The following CACNA1I variants were observed in gnomAD, a reference collection of about 807,000 sequenced individuals.
The protein encoded by CACNA1I is calcium voltage-gated channel subunit alpha1 I.
Under a neutral mutation model 201.6 loss-of-function variants are expected in CACNA1I, and 74 were observed. The observed-to-expected ratio is 0.37, with a 90% CI of 0.30 to 0.45. The LOEUF (loss-of-function observed/expected upper bound fraction) is 0.45, where lower values mean the gene tolerates loss of function less well. CACNA1I is among the 20% of genes least tolerant of loss of function. CACNA1I has a pLI of 1.00. For missense variants in CACNA1I, 2,346 were observed against 3,138.1 expected (o/e 0.75, Z 6.03); for synonymous variants, 1,431 against 1,345.2 (o/e 1.06, Z -1.40).
chr22:39,642,835 C>T lies in CACNA1I; in HGVS notation c.1095C>T (p.Tyr365=), dbSNP rs57495596. The part of the protein sequence containing the change: ...TLEGWVEIMY[Y]VMDAHSFYNF... Reference sequence around the variant, plus strand: ...AAGGCTGGGTGGAGATCATGTACTACGTGATGGATGCTCACTCCTTCTACA... The same window carrying T: ...AAGGCTGGGTGGAGATCATGTACTATGTGATGGATGCTCACTCCTTCTACA... The change falls in exon 7 of 37, where the codon TAC becomes TAT. Residue 365 remains tyrosine, a synonymous_variant. Transcript: ENST00000402142. 125 of 1,611,764 alleles carry T rather than the reference C, an allele frequency of 7.8e-5. No homozygotes were observed. Among genetic ancestry groups the T allele is most frequent in the Middle Eastern group, 3.3e-4 (2 of 6,060 alleles).
intron 3 of CACNA1I, among the ~76,000 whole-genome samples, chr22:39,601,372 C>T (rs940050223): frequency 2.0e-5 from 3 of 152,326 alleles, no homozygotes; most frequent in Middle Eastern, 3.4e-3. Flanking sequence ...GGGACCAGGG[C>T]GCTGGGCAAA....
chr22:39,625,113 G>A (rs1933863098), intron 4 of CACNA1I, among the ~76,000 whole-genome samples: 3 of 151,882 alleles, frequency 2.0e-5, no homozygotes, highest in African/African-American at 4.8e-5. Flanking sequence ...TCACTGTGTT[G>A]GCCAGGCTGG....
At chr22:39,601,573 T>A (rs1451686449) in intron 3 of CACNA1I, among the ~76,000 whole-genome samples, 1 of 151,946 alleles carries the variant, frequency 6.6e-6, no homozygotes, top group African/African-American at 2.4e-5. Flanking sequence ...CGTGTGTGTG[T>A]GAGAGAGGGT....
rs369973966 is a variant in CACNA1I, at chr22:39,674,303, C to G, written c.4854+270C>G. 5.9e-5 allele frequency among the ~76,000 whole-genome samples: 9 copies of G among 152,310 alleles called. 1 individual carries two copies. The highest frequency in any genetic ancestry group is 1.3e-4 in the Admixed American group (2 of 15,304). On this transcript the variant is annotated intron_variant, in intron 29 of 36. Transcript: ENST00000402142. ...TCCACATTGTGCCCTTGGTTGCCCC[C>G]AGGCTGGTGGAGGGAGATGGATACT...
At chr22:39,671,520 G>T (rs1935378075) in intron 26 of CACNA1I, among the ~76,000 whole-genome samples, 1 of 152,162 alleles carries the variant, frequency 6.6e-6, no homozygotes, top group African/African-American at 2.4e-5. Flanking sequence ...CACTGGGGGT[G>T]GGTGAGGATG....
At chr22:39,683,147 G>A (rs1935753213) in intron 35 of CACNA1I, among the ~76,000 whole-genome samples, 1 of 152,228 alleles carries the variant, frequency 6.6e-6, no homozygotes, top group South Asian at 2.1e-4. Flanking sequence ...TACCTGCAGT[G>A]TTCTGTTTAT....
At chr22:39,595,144 C>T (rs1364123566) in intron 1 of CACNA1I, among the ~76,000 whole-genome samples, 1 of 151,624 alleles carries the variant, frequency 6.6e-6, no homozygotes, top group East Asian at 1.9e-4. Flanking sequence ...AAAAAATTAG[C>T]CGGGCGTGGT....
intron 3 of CACNA1I, among the ~76,000 whole-genome samples, chr22:39,609,433 T>A (rs186369273): frequency 2.1e-4 from 32 of 152,370 alleles, no homozygotes; most frequent in Non-Finnish European, 5.9e-5. Context: ...CACAAAGTTC[T>A]GGTTACTGGT....
intron 1 of CACNA1I, among the ~76,000 whole-genome samples, chr22:39,579,835 G>T (rs1932492240): frequency 6.6e-6 from 1 of 152,178 alleles, no homozygotes; most frequent in Non-Finnish European, 1.5e-5. Context: ...TTTTAGTAGA[G>T]ATGGGGTTTT....
chr22:39,644,489 C>T (rs905521481), intron 7 of CACNA1I, among the ~76,000 whole-genome samples: 3 of 152,122 alleles, frequency 2.0e-5, no homozygotes, highest in African/African-American at 4.8e-5. Flanking sequence ...TGTCACAGGA[C>T]GATGAGTGCT....
chr22:39,582,402 T>A (rs1423571526), intron 1 of CACNA1I, among the ~76,000 whole-genome samples: 7 of 152,034 alleles, frequency 4.6e-5, no homozygotes, highest in Non-Finnish European at 8.8e-5. Flanking sequence ...TGGTTTCTAG[T>A]GGGTAAAGGC....
chr22:39,585,311 C>T (rs947433777), intron 1 of CACNA1I, among the ~76,000 whole-genome samples: 6 of 151,992 alleles, frequency 3.9e-5, no homozygotes, highest in African/African-American at 1.4e-4. Context: ...GATCCACCCG[C>T]CTTGGCCTCC....
At chr22:39,599,653 G>C (rs926056362) in intron 2 of CACNA1I, among the ~76,000 whole-genome samples, 1 of 121,904 alleles carries the variant, frequency 8.2e-6, no homozygotes, top group Non-Finnish European at 1.7e-5. Flanking sequence ...AAAAAATCCA[G>C]ACCCCTGACC....
At chr22:39,618,579 A>G (rs2072715) in intron 3 of CACNA1I, among the ~76,000 whole-genome samples, 138,864 of 151,986 alleles carry the variant, frequency 0.91, 63,599 homozygotes, top group Middle Eastern at 0.96. Context: ...AGGGGGTGGC[A>G]GCTTCACAAC....
chr22:39,614,518 G>T (rs1022900709), intron 3 of CACNA1I, among the ~76,000 whole-genome samples: 1 of 152,244 alleles, frequency 6.6e-6, no homozygotes, highest in African/African-American at 2.4e-5. Context: ...TGGCCTCCGG[G>T]TTTGCAGGCT....
At chr22:39,674,580 C>A (rs950005856) in intron 29 of CACNA1I, among the ~76,000 whole-genome samples, 1 of 152,140 alleles carries the variant, frequency 6.6e-6, no homozygotes, top group Non-Finnish European at 1.5e-5. Context: ...CCGCACCCTG[C>A]GGTTAGTGAA....
chr22:39,571,375 G>T (rs1242960280), intron 1 of CACNA1I, among the ~76,000 whole-genome samples: 1 of 151,348 alleles, frequency 6.6e-6, no homozygotes, highest in African/African-American at 2.4e-5. Flanking sequence ...CTGTGGGCGT[G>T]GGCAGCGGGG....
chr22:39,685,912 C>A lies in CACNA1I; in HGVS notation c.6179C>A (p.Ser2060Tyr), dbSNP rs905677807. 3.8e-6 allele frequency: 5 copies of A among 1,330,698 alleles called. No homozygotes were observed. Among genetic ancestry groups the A allele is most frequent in the Admixed American group, 8.1e-5 (2 of 24,622 alleles). 82.4% of individuals were successfully genotyped at this position (1,330,698 alleles called of 1,614,324 possible). The change falls in exon 37 of 37, where the codon TCC becomes TAC. Residue 2060 changes from serine to tyrosine, a missense_variant. By Grantham distance (144) the Ser-to-Tyr change is moderately radical. Transcript: ENST00000402142. The surrounding 1 kb of genome is among the most constrained non-coding windows in gnomAD (Gnocchi z 5.0). ...APAPGPRAGLSPAARRRLSLR... is the reference protein window; with the variant it reads ...APAPGPRAGLYPAARRRLSLR... The stretch of plus-strand genomic sequence containing the variant: ...GCTCCAGGACCCCGGGCCGGCCTGT[C>A]CCCCGCCGCTCGCCGCCGCCTGAGC...
chr22:39,590,689 A>G (rs1307339592), intron 1 of CACNA1I, among the ~76,000 whole-genome samples: 2 of 152,218 alleles, frequency 1.3e-5, no homozygotes, highest in Non-Finnish European at 2.9e-5. Context: ...TGCCCCTGCC[A>G]CATACCATGG....
Sources: gnomAD v4.1 joint callset for allele counts (sites outside exome capture counted in the v4.1 genomes callset) on GRCh38, gnomAD v4.1.1 for gene constraint, Gnocchi (gnomAD v3.1) non-coding constraint, MANE v1.5 for transcripts, NCBI Gene and HGNC (gene_info 2026-07-23, HGNC 2026-07-21) for gene names.